The following RGSL1 variants were observed in gnomAD, a reference collection of about 807,000 sequenced individuals.
The protein encoded by RGSL1 is regulator of G protein signaling like 1, also known as regulator of G protein signaling protein-like.
Under a neutral mutation model 124.7 loss-of-function variants are expected in RGSL1, and 97 were observed. The ratio of observed to expected loss-of-function variants is 0.78; its 90% CI spans 0.66 to 0.92. The LOEUF is 0.92. Among genes scored for constraint, RGSL1 ranks in the 40% least tolerant of loss-of-function variants. The pLI is 0.00. For missense variants in RGSL1, 1,233 were observed against 1,288.4 expected, an observed-to-expected ratio of 0.96 and a Z score of 0.66; for synonymous variants, 424 against 438.1, an observed-to-expected ratio of 0.97 and a Z score of 0.40.
chr1:182,496,658 G>T (rs972488453), intron 9 of RGSL1, among the ~76,000 whole-genome samples: 2 of 152,166 alleles, frequency 1.3e-5, no homozygotes, highest in Non-Finnish European at 2.9e-5. Flanking sequence ...TTATACCAGA[G>T]CCTTAACTTG....
chr1:182,474,069 A>G lies in RGSL1; in HGVS notation c.958A>G (p.Met320Val). The G allele has an allele frequency of 1.4e-5, 21 of 1,551,812 alleles. No homozygotes were observed. Among genetic ancestry groups the G allele is most frequent in the Non-Finnish European group, 1.7e-5 (20 of 1,147,002 alleles). Residue 320 changes from methionine to valine, a missense_variant, in exon 6 of 22, where the codon ATG (methionine) becomes GTG (valine). Coordinates refer to ENST00000294854, the MANE Select transcript of RGSL1 (RefSeq NM_001137669.2). The stretch of plus-strand genomic sequence containing the variant: ...TATGCATTATGCAAAAATATCCAGC[A>G]TGGAGAATAAAGCCAAGAGCCACCT... ...KDMHYAKISS[M>V]ENKAKSHLHM...
chr1:182,492,567 AG>A lies in RGSL1; in HGVS notation c.1718-452del, dbSNP rs777440255. Among the ~76,000 whole-genome samples, 5 of 151,968 alleles carry A rather than the reference AG, an allele frequency of 3.3e-5. No individual in the cohort carries two copies. In the East Asian group the frequency reaches 9.7e-4, roughly 29 times the overall value. ...TATTTCCTTGCCTATAATTTAGCTTAGGGAACTTGTATTATTTCTGTAAACA... is the reference window on the plus strand; with the variant it reads ...TATTTCCTTGCCTATAATTTAGCTTAGGAACTTGTATTATTTCTGTAAACA... On this transcript the variant is annotated intron_variant, in intron 8 of 21. Transcript: ENST00000294854.
intron 8 of RGSL1, among the ~76,000 whole-genome samples, 191 bp downstream of exon 8, chr1:182,489,393 T>C (rs903890768): frequency 1.3e-5 from 2 of 152,146 alleles, no homozygotes; most frequent in African/African-American, 4.8e-5. Flanking sequence ...CTCCCCAGGG[T>C]CAGAGTAAGT....
chr1:182,514,915 T>C (rs1657744622), intron 9 of RGSL1, among the ~76,000 whole-genome samples: 1 of 152,174 alleles, frequency 6.6e-6, no homozygotes, highest in Admixed American at 6.5e-5. Flanking sequence ...CAGGATACAC[T>C]CCAGAGGAGT....
intron 18 of RGSL1, 107 bp downstream of exon 18, chr1:182,551,316 T>G: frequency 1.1e-6 from 1 of 870,956 alleles, no homozygotes; most frequent in South Asian, 1.6e-5. Context: ...GGGTGTTTGC[T>G]GGAGCCGGGA....
intron 4 of RGSL1, among the ~76,000 whole-genome samples, chr1:182,470,425 T>C (rs1259899706): frequency 6.6e-6 from 1 of 152,076 alleles, no homozygotes; most frequent in African/African-American, 2.4e-5. Flanking sequence ...TTGCAATTCC[T>C]CAAACATGCT....
At chr1:182,475,097 T>C (rs1187781358) in intron 6 of RGSL1, among the ~76,000 whole-genome samples, 1 of 152,186 alleles carries the variant, frequency 6.6e-6, no homozygotes, top group Admixed American at 6.5e-5. Context: ...GAGTGGTTGA[T>C]GTCCATTCCT....
chr1:182,537,098 G>T (rs1392363787), intron 14 of RGSL1, among the ~76,000 whole-genome samples: 1 of 152,032 alleles, frequency 6.6e-6, no homozygotes. Context: ...TTGATGGCTT[G>T]CTTTTTGATT....
chr1:182,540,846 C>T (rs1300136391), intron 15 of RGSL1, among the ~76,000 whole-genome samples: 3 of 152,118 alleles, frequency 2.0e-5, no homozygotes, highest in African/African-American at 7.2e-5. Context: ...TATTAATTCA[C>T]CTGTCAATTT....
In RGSL1 at chr1:182,519,414, T is replaced by A. The variant is rs564168020; in HGVS notation, c.1826-2590T>A. ...TTTGAAAATGTTATCCCATTGTCTG[T>A]TGGCTTCCTTAGTTCAATTTGAGGA... On this transcript the variant is annotated intron_variant, in intron 9 of 21. Coordinates refer to ENST00000294854, the MANE Select transcript of RGSL1 (RefSeq NM_001137669.2). Among the ~76,000 whole-genome samples the A allele has an allele frequency of 2.6e-5, 4 of 152,348 alleles. No individual in the cohort carries two copies. In the East Asian group the frequency reaches 7.7e-4, roughly 29 times the overall value.
At chr1:182,539,038 C>A (rs1659725378) in intron 14 of RGSL1, among the ~76,000 whole-genome samples, 1 of 152,130 alleles carries the variant, frequency 6.6e-6, no homozygotes, top group South Asian at 2.1e-4. Context: ...TTGGTAAGAG[C>A]CAGCTGTTAA....
chr1:182,464,601 G>A (rs1402227898), intron 4 of RGSL1, among the ~76,000 whole-genome samples: 1 of 151,880 alleles, frequency 6.6e-6, no homozygotes, highest in Non-Finnish European at 1.5e-5. Context: ...GCGGGATCCT[G>A]TAATCCCAGC....
At chr1:182,531,700 T>C (rs188913963) in intron 13 of RGSL1, among the ~76,000 whole-genome samples, 1 of 152,200 alleles carries the variant, frequency 6.6e-6, no homozygotes, top group African/African-American at 2.4e-5. Flanking sequence ...TCATATAGAC[T>C]ACTAAAAAGA....
At chr1:182,479,587 A>T (rs1654542692) in intron 6 of RGSL1, among the ~76,000 whole-genome samples, 1 of 152,190 alleles carries the variant, frequency 6.6e-6, no homozygotes, top group African/African-American at 2.4e-5. Flanking sequence ...AAAGAGAGGG[A>T]AGAAGAGAGC....
At chr1:182,554,315 A>G (rs1571724706) in intron 19 of RGSL1, among the ~76,000 whole-genome samples, 1 of 152,192 alleles carries the variant, frequency 6.6e-6, no homozygotes, top group South Asian at 2.1e-4. Context: ...AAACAGCCCT[A>G]AAGTCTTGTG....
intron 9 of RGSL1, among the ~76,000 whole-genome samples, chr1:182,517,154 A>T (rs748771224): frequency 2.0e-5 from 3 of 152,038 alleles, no homozygotes; most frequent in Non-Finnish European, 2.9e-5. Context: ...CTTGCATGGC[A>T]GTGTTTTTCT....
At chr1:182,552,218 A>G (rs1571719875) in intron 18 of RGSL1, among the ~76,000 whole-genome samples, 1 of 151,596 alleles carries the variant, frequency 6.6e-6, no homozygotes, top group Non-Finnish European at 1.5e-5. Context: ...GGTTCACGCC[A>G]TTCTCCTGCC....
chr1:182,515,540 TA>T (rs1418362559), intron 9 of RGSL1, among the ~76,000 whole-genome samples: 948 of 35,598 alleles, frequency 0.027, 18 homozygotes, highest in Middle Eastern at 0.15. Context: ...CAGTTTAAAG[TA>T]AAAAAAAAAA....
intron 6 of RGSL1, among the ~76,000 whole-genome samples, chr1:182,479,274 T>G (rs1654520008): frequency 6.6e-6 from 1 of 152,086 alleles, no homozygotes; most frequent in Admixed American, 6.6e-5. Context: ...GTAAGAATAA[T>G]TATAACCACC....
Sources: allele counts gnomAD v4.1 joint callset (sites outside exome capture counted in the v4.1 genomes callset), GRCh38; gene constraint gnomAD v4.1.1; transcripts MANE v1.5; gene names NCBI Gene and HGNC (gene_info 2026-07-23, HGNC 2026-07-21).